Variants in RGS6 observed in about 807,000 individuals in gnomAD.
RGS6 encodes the protein regulator of G-protein signaling 6.
RGS6 carries 30 observed loss-of-function variants against 78.5 expected under a neutral mutation model. The ratio of observed to expected loss-of-function variants is 0.38; its 90% confidence interval spans 0.29 to 0.52. RGS6 has a LOEUF of 0.52. RGS6 is among the 20% of genes least tolerant of loss of function. RGS6 has a pLI of 0.85. For missense variants in RGS6, 495 were observed against 609.7 expected (o/e 0.81, Z 1.98); for synonymous variants, 206 against 206.0 (o/e 1.00, Z 0.00).
chr14:72,404,577 G>A (rs1336429688), intron 3 of RGS6, among the ~76,000 whole-genome samples: 9 of 152,244 alleles, frequency 5.9e-5, no homozygotes, highest in Admixed American at 5.9e-4. Flanking sequence ...TCTCTGTGTG[G>A]CCCCACAGGG....
chr14:72,357,828 A>G (rs2080644295), intron 3 of RGS6, among the ~76,000 whole-genome samples: 1 of 152,184 alleles, frequency 6.6e-6, no homozygotes, highest in African/African-American at 2.4e-5. Context: ...GAGGAACCAA[A>G]TGTTAATTGC....
At chr14:72,523,383 G>A (rs957361639) in intron 15 of RGS6, among the ~76,000 whole-genome samples, 49 of 152,160 alleles carry the variant, frequency 3.2e-4, no homozygotes, top group African/African-American at 1.2e-3. Context: ...CTCAGCCCAT[G>A]GGGCTCAGGG....
chr14:72,384,327 CTT>C (rs2087173109), intron 3 of RGS6, among the ~76,000 whole-genome samples: 1 of 152,078 alleles, frequency 6.6e-6, no homozygotes, highest in African/African-American at 2.4e-5. Context: ...AAGACACACT[CTT>C]TTTGTTTGGT....
the RGS6 span, among the ~76,000 whole-genome samples, chr14:72,595,402 C>T: frequency 2.6e-5 from 4 of 152,298 alleles, no homozygotes; most frequent in African/African-American, 9.6e-5. Flanking sequence ...TCATCTCATC[C>T]ACACCCTGCC....
chr14:72,452,966 G>C (rs961537460), intron 3 of RGS6, among the ~76,000 whole-genome samples: 7 of 152,226 alleles, frequency 4.6e-5, no homozygotes, highest in Non-Finnish European at 8.8e-5. Flanking sequence ...AGGAACTCCA[G>C]GCCACACCCT....
intron 5 of RGS6, among the ~76,000 whole-genome samples, chr14:72,459,152 C>A (rs548514265): frequency 6.6e-5 from 10 of 152,280 alleles, no homozygotes; most frequent in African/African-American, 2.2e-4. Flanking sequence ...AGTGAAGTTT[C>A]TATTTGCGAC....
At chr14:72,106,825 A>C (rs1422383665) in intron 2 of RGS6, among the ~76,000 whole-genome samples, 3 of 152,158 alleles carry the variant, frequency 2.0e-5, no homozygotes, top group African/African-American at 7.2e-5. Context: ...GCAGTGTAAC[A>C]TGTTCCTCTG....
downstream of RGS6, among the ~76,000 whole-genome samples, chr14:72,569,966 C>A (rs1180341613): frequency 3.9e-5 from 6 of 152,298 alleles, no homozygotes; most frequent in East Asian, 9.7e-4. Flanking sequence ...CCTTTTTAAA[C>A]CCTCAAAATC....
At chr14:72,273,831 A>C (rs1003047946) in intron 2 of RGS6, among the ~76,000 whole-genome samples, 3 of 152,154 alleles carry the variant, frequency 2.0e-5, no homozygotes, top group African/African-American at 7.2e-5. Context: ...AAAAGCTATC[A>C]ATAAAGAAAG....
chr14:72,169,297 G>C (rs2096975799), intron 2 of RGS6, among the ~76,000 whole-genome samples: 2 of 152,172 alleles, frequency 1.3e-5, no homozygotes, highest in Non-Finnish European at 2.9e-5. Context: ...ATGTGTGTTA[G>C]GGGTTAATGT....
At chr14:72,113,666 C>T (rs1216922079) in intron 2 of RGS6, among the ~76,000 whole-genome samples, 1 of 152,204 alleles carries the variant, frequency 6.6e-6, no homozygotes, top group Non-Finnish European at 1.5e-5. Context: ...TGCTCTGCTG[C>T]AGGTGGTGGC....
chr14:72,389,272 G>T (rs534555960), intron 3 of RGS6, among the ~76,000 whole-genome samples: 1 of 152,210 alleles, frequency 6.6e-6, no homozygotes, highest in Non-Finnish European at 1.5e-5. Context: ...AGGGGTGTCT[G>T]CCCAACCCCC....
chr14:72,556,867 T>TA (rs936608104), intron 17 of RGS6, among the ~76,000 whole-genome samples: 23 of 152,324 alleles, frequency 1.5e-4, no homozygotes, highest in East Asian at 7.7e-4. Flanking sequence ...TTGACTTTTT[T>TA]AAAAAAATTG....
intron 2 of RGS6, among the ~76,000 whole-genome samples, chr14:72,141,373 C>A (rs571200672): frequency 6.6e-6 from 1 of 152,150 alleles, no homozygotes; most frequent in African/African-American, 2.4e-5. Flanking sequence ...CTCTGTGGAG[C>A]CTTGGATCCT....
At position 71,989,911 on chromosome 14, in the gene RGS6, G is replaced by A. The variant is rs142093680; in HGVS notation, c.84+25036G>A. ...CATCCATTGCTTGAGTTTCAGTCCT[G>A]TCTTAGTCCATTTTGTGTTGCTGTA... On this transcript the variant is annotated intron_variant, in intron 2 of 17. Coordinates refer to ENST00000553525, the MANE Select transcript of RGS6 (RefSeq NM_001204424.2). Among the ~76,000 whole-genome samples the A allele has an allele frequency of 3.4e-3, 520 of 151,634 alleles. 2 individuals carry two copies. Among genetic ancestry groups the A allele is most frequent in the African/African-American group, 0.012 (482 of 41,414 alleles).
chr14:72,117,197 C>A (rs2095915014), intron 2 of RGS6, among the ~76,000 whole-genome samples: 1 of 152,076 alleles, frequency 6.6e-6, no homozygotes, highest in Non-Finnish European at 1.5e-5. Flanking sequence ...AGACTTGCAG[C>A]ATGGGTGATA....
intron 2 of RGS6, among the ~76,000 whole-genome samples, chr14:72,142,751 G>A (rs1043761757): frequency 5.9e-5 from 9 of 152,124 alleles, no homozygotes; most frequent in African/African-American, 1.7e-4. Context: ...GTTCAAGGAT[G>A]GTTCCATTCC....
At chr14:72,113,464 A>G (rs1177294732) in intron 2 of RGS6, among the ~76,000 whole-genome samples, 1 of 152,248 alleles carries the variant, frequency 6.6e-6, no homozygotes, top group Non-Finnish European at 1.5e-5. Context: ...GGGGACTCAA[A>G]GACCTACATC....
intron 2 of RGS6, among the ~76,000 whole-genome samples, chr14:72,174,099 C>G (rs143895251): frequency 7.7e-6 from 1 of 130,524 alleles, no homozygotes; most frequent in Non-Finnish European, 1.6e-5. Flanking sequence ...GCTTTAAGGG[C>G]GAGAACACAT....
Sources: allele counts gnomAD v4.1 joint callset (sites outside exome capture counted in the v4.1 genomes callset), GRCh38; gene constraint gnomAD v4.1.1; transcripts MANE v1.5; gene names NCBI Gene and HGNC (gene_info 2026-07-23, HGNC 2026-07-21).